Variants in XCR1 observed in about 807,000 individuals in gnomAD.
The protein encoded by XCR1 is X-C motif chemokine receptor 1, also known as chemokine XC receptor 1.
For synonymous variants in XCR1, 187 were observed against 188.5 expected, an observed-to-expected ratio of 0.99 and a Z score of 0.06; for missense variants, 356 against 424.2, an observed-to-expected ratio of 0.84 and a Z score of 1.41.
intron 1 of XCR1, among the ~76,000 whole-genome samples, chr3:46,023,129 C>T (rs1559479866): frequency 6.6e-6 from 1 of 152,148 alleles, no homozygotes. Flanking sequence ...CGTGCGGGGT[C>T]GCGGCGGCGG....
At chr3:46,069,594 A>G (rs1698133044) in intron 3 of XCR1, among the ~76,000 whole-genome samples, 1 of 152,208 alleles carries the variant, frequency 6.6e-6, no homozygotes, top group African/African-American at 2.4e-5. Context: ...TTACCATAAC[A>G]TAAATAGTGG....
intron 3 of XCR1, among the ~76,000 whole-genome samples, chr3:46,071,576 T>C (rs1198645555): frequency 6.6e-6 from 1 of 151,998 alleles, no homozygotes; most frequent in Non-Finnish European, 1.5e-5. Context: ...TACTAGCAAA[T>C]AGAATCCAAG....
intron 1 of XCR1, among the ~76,000 whole-genome samples, chr3:46,080,503 A>G (rs1267219289): frequency 6.6e-6 from 1 of 152,148 alleles, no homozygotes; most frequent in South Asian, 2.1e-4. Flanking sequence ...CGGAGGTTGC[A>G]GTGAGCTGAG....
At chr3:46,022,236 G>C in intron 1 of XCR1, 1 of 340,696 alleles carries the variant, frequency 2.9e-6, no homozygotes, top group Non-Finnish European at 5.3e-6. Context: ...GCCCAGGAGG[G>C]CGAGACTGCA....
intron 1 of XCR1, among the ~76,000 whole-genome samples, chr3:46,085,761 A>G (rs1698463975): frequency 6.6e-6 from 1 of 152,230 alleles, no homozygotes; most frequent in South Asian, 2.1e-4. Flanking sequence ...CTACAGATCT[A>G]CAGTGGTCAA....
At chr3:46,027,766 T>C (rs1220330050), upstream of XCR1, 1 of 152,262 alleles carries the variant, frequency 6.6e-6, no homozygotes, top group Non-Finnish European at 1.5e-5. Flanking sequence ...TTTTTGAACA[T>C]ATATCCCTCT....
chr3:46,082,408 T>TAC (rs34278810), intron 1 of XCR1, among the ~76,000 whole-genome samples: 13,563 of 146,050 alleles, frequency 0.093, 950 homozygotes, highest in South Asian at 0.34. Context: ...TATACATGCA[T>TAC]ACACACACAC....
At chr3:46,023,118 C>T (rs1327674851) in intron 1 of XCR1, among the ~76,000 whole-genome samples, 1 of 152,190 alleles carries the variant, frequency 6.6e-6, no homozygotes, top group East Asian at 1.9e-4. Context: ...CGTCATGGCG[C>T]CGTGCGGGGT....
intron 5 of XCR1, among the ~76,000 whole-genome samples, chr3:46,032,736 CCAT>C (rs1708423066): frequency 6.6e-6 from 1 of 152,250 alleles, no homozygotes; most frequent in Non-Finnish European, 1.5e-5. Flanking sequence ...TTTTGCACTT[CCAT>C]CATCAATGAA....
chr3:46,023,965 T>G, intron 1 of XCR1: 2 of 1,463,772 alleles, frequency 1.4e-6, no homozygotes, highest in Non-Finnish European at 9.5e-7. Flanking sequence ...TGTAGAAACG[T>G]CAGAATTACG....
At chr3:46,063,356 G>A (rs1052755798) in intron 4 of XCR1, among the ~76,000 whole-genome samples, 1 of 152,220 alleles carries the variant, frequency 6.6e-6, no homozygotes, top group Admixed American at 6.5e-5. Context: ...TTAGGAGAGG[G>A]CTGCTTGGCA....
intron 5 of XCR1, among the ~76,000 whole-genome samples, chr3:46,052,039 CA>C (rs771023267): frequency 1.0e-5 from 1 of 98,104 alleles, no homozygotes; most frequent in African/African-American, 4.6e-5. Context: ...AAAACAAAAA[CA>C]AAAAAAAAAC....
rs144432920 is a variant in XCR1, at chr3:46,043,717, T to TACACACACAC, written c.-32+10193_-32+10202dup. Among the ~76,000 whole-genome samples, 348 of 141,548 alleles carry TACACACACAC rather than the reference T, an allele frequency of 2.5e-3. 1 individual carries two copies. Among genetic ancestry groups the TACACACACAC allele is most frequent in the Admixed American group, 5.0e-3 (69 of 13,788 alleles). The allele number at this position is 141,548 out of a possible 152,430, so 92.9% of individuals were successfully genotyped here. The stretch of plus-strand genomic sequence containing the variant: ...GGGCAACATAGTGAGACCTCATCTC[T>TACACACACAC]ACACACACACACACACACACACACA... On this transcript the variant is annotated intron_variant, in intron 5 of 5. Coordinates refer to the XCR1 transcript ENST00000683768.
At chr3:46,042,927 T>C (rs529041770) in intron 5 of XCR1, among the ~76,000 whole-genome samples, 1 of 152,122 alleles carries the variant, frequency 6.6e-6, no homozygotes, top group Non-Finnish European at 1.5e-5. Flanking sequence ...CTCAACAAAA[T>C]ACTAGCAAGC....
intron 5 of XCR1, among the ~76,000 whole-genome samples, chr3:46,034,250 G>A (rs563355451): frequency 1.3e-5 from 2 of 152,294 alleles, no homozygotes; most frequent in East Asian, 1.9e-4. Context: ...GGGATTACAG[G>A]TGTGAGCCAC....
chr3:46,039,746 C>G (rs1257335304), intron 5 of XCR1, among the ~76,000 whole-genome samples: 3 of 152,102 alleles, frequency 2.0e-5, no homozygotes, highest in Non-Finnish European at 4.4e-5. Flanking sequence ...GGCCCAGGGA[C>G]TATTGTAGAA....
At chr3:46,063,038 C>T (rs9882765) in intron 4 of XCR1, among the ~76,000 whole-genome samples, 1,569 of 152,310 alleles carry the variant, frequency 0.01, 32 homozygotes, top group African/African-American at 0.035. Context: ...TTAAAATTTA[C>T]TAGCACACCA....
At chr3:46,046,464 A>G (rs1019793385) in intron 5 of XCR1, among the ~76,000 whole-genome samples, 1 of 152,230 alleles carries the variant, frequency 6.6e-6, no homozygotes, top group Non-Finnish European at 1.5e-5. Context: ...TCTGGCAGTG[A>G]GAGCAGTCGT....
chr3:46,048,376 T>G (rs1175893493), intron 5 of XCR1, among the ~76,000 whole-genome samples: 2 of 152,182 alleles, frequency 1.3e-5, no homozygotes, highest in Admixed American at 6.5e-5. Context: ...ATCAGGGGTT[T>G]TTGCCTGTCC....
Sources: allele counts gnomAD v4.1 joint callset (sites outside exome capture counted in the v4.1 genomes callset), GRCh38; gene constraint gnomAD v4.1.1; transcripts MANE v1.5; gene names NCBI Gene and HGNC (gene_info 2026-07-23, HGNC 2026-07-21).